Variants in LURAP1L observed in about 807,000 individuals in gnomAD.
LURAP1L encodes the protein leucine rich adaptor protein 1 like.
Under a neutral mutation model 13.8 loss-of-function variants are expected in LURAP1L, and 12 were observed. The ratio of observed to expected loss-of-function variants is 0.87; its 90% CI spans 0.56 to 1.41. The LOEUF (loss-of-function observed/expected upper bound fraction) is 1.41, where lower values mean the gene tolerates loss of function less well. Ranked by LOEUF, LURAP1L falls within the 40% of genes most tolerant of loss-of-function variation. The pLI, the probability that LURAP1L is intolerant of heterozygous loss-of-function variation, is 0.00. For missense variants in LURAP1L, 375 were observed against 292.9 expected (o/e 1.28, Z -2.04); for synonymous variants, 139 against 119.2 (o/e 1.17, Z -1.08).
In LURAP1L at chr9:12,821,649, C is replaced by T. The variant is rs201530825; in HGVS notation, c.576C>T (p.Gly192=). 2.5e-6 allele frequency: 4 copies of T among 1,614,140 alleles called. No homozygotes were observed. In the East Asian group the frequency reaches 8.9e-5, roughly 36 times the overall value. ...YLDTLADDVP[G]HQTPSDLDQF... ...ACACGTTGGCGGATGATGTCCCAGG[C>T]CATCAGACCCCTTCAGACTTGGACC... Residue 192 remains glycine, a synonymous_variant, in exon 2 of 2, where the codon GGC becomes GGT. Transcript: ENST00000319264.
chr9:12,804,398 G>T (rs1355290524), intron 1 of LURAP1L, among the ~76,000 whole-genome samples: 1 of 148,938 alleles, frequency 6.7e-6, no homozygotes, highest in Non-Finnish European at 1.5e-5. Context: ...AGGCTGGAGT[G>T]CAGTGGCATG....
intron 1 of LURAP1L, among the ~76,000 whole-genome samples, chr9:12,805,514 A>G (rs974609173): frequency 2.0e-5 from 3 of 152,182 alleles, no homozygotes; most frequent in African/African-American, 4.8e-5. Flanking sequence ...ACACAGTCTC[A>G]ATGGTTATTC....
intron 1 of LURAP1L, among the ~76,000 whole-genome samples, chr9:12,787,800 C>T (rs1378047934): frequency 6.6e-6 from 1 of 152,026 alleles, no homozygotes; most frequent in Non-Finnish European, 1.5e-5. Flanking sequence ...ATGATGGAAG[C>T]TTTGTTGAGT....
chr9:12,804,221 C>T (rs1004135288), intron 1 of LURAP1L, among the ~76,000 whole-genome samples: 3 of 152,102 alleles, frequency 2.0e-5, no homozygotes, highest in African/African-American at 7.2e-5. Flanking sequence ...AAACTTTTGT[C>T]ACAGCAGAAT....
At chr9:12,788,198 AAAG>A (rs766457462) in intron 1 of LURAP1L, among the ~76,000 whole-genome samples, 1 of 149,912 alleles carries the variant, frequency 6.7e-6, no homozygotes, top group Non-Finnish European at 1.5e-5. Flanking sequence ...AAAGAAAAGA[AAAG>A]AAAAGAAAAG....
At chr9:12,812,006 T>G (rs1819743206) in intron 1 of LURAP1L, among the ~76,000 whole-genome samples, 1 of 152,176 alleles carries the variant, frequency 6.6e-6, no homozygotes, top group African/African-American at 2.4e-5. Context: ...TCTCAGTTCC[T>G]TACTTTATGC....
chr9:12,818,522 T>C (rs992339631), intron 1 of LURAP1L, among the ~76,000 whole-genome samples: 2 of 152,168 alleles, frequency 1.3e-5, no homozygotes, highest in South Asian at 2.1e-4. Flanking sequence ...CACAGCCTAG[T>C]TGAAATTGCT....
chr9:12,784,216 G>C (rs1312917249), intron 1 of LURAP1L, among the ~76,000 whole-genome samples: 1 of 151,980 alleles, frequency 6.6e-6, no homozygotes, highest in Non-Finnish European at 1.5e-5. Context: ...TAGTTCATTT[G>C]GTGAGGTCAT....
In LURAP1L at chr9:12,775,846, G is replaced by C. The variant is rs780163680; in HGVS notation, c.131G>C (p.Gly44Ala). The C allele has an allele frequency of 1.2e-5, 19 of 1,584,332 alleles. No individual in the cohort carries two copies. The Admixed American group carries it at 2.4e-4, about 20-fold the overall frequency. The change falls in exon 1 of 2, where the codon GGG becomes GCG. Residue 44 changes from glycine to alanine, a missense_variant. Physicochemically the swap from Gly to Ala is moderately conservative, Grantham distance 60 (BLOSUM62 0). Coordinates refer to ENST00000319264, the MANE Select transcript of LURAP1L (RefSeq NM_203403.2). ...AGGGAAAGGGACAGGGACCCCTGCGGGGGGAGCGGTGGTGGTGGCGGCGGC... is the reference window on the plus strand; with the variant it reads ...AGGGAAAGGGACAGGGACCCCTGCGCGGGGAGCGGTGGTGGTGGCGGCGGC... Reference protein sequence around the residue: ...VPRERDRDPCGGSGGGGGGGG... With the variant: ...VPRERDRDPCAGSGGGGGGGG...
chr9:12,808,304 A>G (rs1819688792), intron 1 of LURAP1L, among the ~76,000 whole-genome samples: 1 of 152,098 alleles, frequency 6.6e-6, no homozygotes, highest in Non-Finnish European at 1.5e-5. Context: ...GAAAGTCTTT[A>G]GTATTTACTA....
At chr9:12,792,034 T>G (rs545302772) in intron 1 of LURAP1L, among the ~76,000 whole-genome samples, 1 of 152,104 alleles carries the variant, frequency 6.6e-6, no homozygotes. Flanking sequence ...GCCTAAAGCA[T>G]AGGAGGGTTG....
Position 12,775,805 on chromosome 9 carries a change from G to T in LURAP1L, c.90G>T (p.Gly30=). The change falls in exon 1 of 2, where the codon GGG becomes GGT. Residue 30 remains glycine, a synonymous_variant. Transcript: ENST00000319264. ...VPESLVRSLR[G]EEPVPRERDR... Reference sequence around the variant, plus strand: ...AGAGTCTAGTGCGCTCTCTCCGTGGGGAGGAGCCGGTTCCCAGGGAAAGGG... The same window carrying T: ...AGAGTCTAGTGCGCTCTCTCCGTGGTGAGGAGCCGGTTCCCAGGGAAAGGG... 6.2e-7 allele frequency: 1 copy of T among 1,608,364 alleles called. No homozygotes were observed. The highest frequency in any genetic ancestry group is 8.5e-7 in the Non-Finnish European group (1 of 1,178,268).
chr9:12,778,466 G>T (rs1819222108), intron 1 of LURAP1L, among the ~76,000 whole-genome samples: 1 of 152,150 alleles, frequency 6.6e-6, no homozygotes, highest in African/African-American at 2.4e-5. Context: ...CTATTACATA[G>T]ATATTCAAAA....
chr9:12,781,655 G>A (rs1586874362), intron 1 of LURAP1L, among the ~76,000 whole-genome samples: 1 of 152,058 alleles, frequency 6.6e-6, no homozygotes. Context: ...TTATCCGTTT[G>A]TCTCTTGATG....
Position 12,821,399 on chromosome 9 carries a change from C to A in LURAP1L, c.326C>A (p.Ala109Asp). 6.2e-7 allele frequency: 1 copy of A among 1,613,118 alleles called. No homozygotes were observed. Among genetic ancestry groups the A allele is most frequent in the Non-Finnish European group, 8.5e-7 (1 of 1,179,194 alleles). ...LLRQEMVNLR[A>D]TDVRLMRQLL... The stretch of plus-strand genomic sequence containing the variant: ...CTTTGTCCATAGGTTAACCTCAGAG[C>A]CACAGACGTCAGGCTCATGCGCCAG... The change falls in exon 2 of 2, where the codon GCC becomes GAC. Residue 109 changes from alanine to aspartate, a missense_variant. Physicochemically the swap from Ala to Asp is moderately radical, Grantham distance 126 (BLOSUM62 -2). Transcript: ENST00000319264.
chr9:12,777,353 A>G (rs987620532), intron 1 of LURAP1L: 1 of 985,304 alleles, frequency 1.0e-6, no homozygotes, highest in African/African-American at 1.7e-5. Flanking sequence ...TATCACAAAG[A>G]TCAGACATAC....
chr9:12,813,872 A>G (rs1819770674), intron 1 of LURAP1L, among the ~76,000 whole-genome samples: 1 of 152,226 alleles, frequency 6.6e-6, no homozygotes, highest in Non-Finnish European at 1.5e-5. Flanking sequence ...TGAATTATCA[A>G]TTGAGATTAA....
chr9:12,793,492 T>C (rs1819471966), intron 1 of LURAP1L, among the ~76,000 whole-genome samples: 1 of 152,074 alleles, frequency 6.6e-6, no homozygotes, highest in African/African-American at 2.4e-5. Flanking sequence ...TCAACAGCCG[T>C]GTTTCTTTTA....
At chr9:12,786,581 T>TATATATATATATATAA (rs61134838) in intron 1 of LURAP1L, among the ~76,000 whole-genome samples, 4 of 121,438 alleles carry the variant, frequency 3.3e-5, no homozygotes, top group African/African-American at 1.1e-4. Flanking sequence ...TATATATATA[T>TATATATATATATATAA]AAACCCTTGT....
Sources: allele counts gnomAD v4.1 joint callset (sites outside exome capture counted in the v4.1 genomes callset), GRCh38; gene constraint gnomAD v4.1.1; transcripts MANE v1.5; gene names NCBI Gene and HGNC (gene_info 2026-07-23, HGNC 2026-07-21).